The following SI variants were observed in gnomAD, a reference collection of about 807,000 sequenced individuals.
The protein encoded by SI is sucrase-isomaltase, intestinal.
A neutral mutation model predicts 253.3 loss-of-function variants in SI; 235 were observed. That is an observed-to-expected ratio of 0.93 (90% CI 0.83 to 1.03). SI has a LOEUF of 1.03. SI is among the 50% of genes least tolerant of loss of function. The pLI, the probability that SI is intolerant of heterozygous loss-of-function variation, is 0.00. For missense variants in SI, 2,442 were observed against 2,211.1 expected (o/e 1.10, Z -2.09); for synonymous variants, 819 against 712.0 (o/e 1.15, Z -2.39).
chr3:164,979,089 G>T lies in SI; in HGVS notation c.*273C>A. On this transcript the variant is annotated 3_prime_UTR_variant, in exon 48 of 48. Coordinates refer to ENST00000264382, the MANE Select transcript of SI (RefSeq NM_001041.4). Reference sequence around the variant, plus strand: ...TTATATCTTAGCTATTTACATACATGTTTAGTAACTAGTTTACAATTGTAG... The same window carrying T: ...TTATATCTTAGCTATTTACATACATTTTTAGTAACTAGTTTACAATTGTAG... The T allele has an allele frequency of 3.2e-6, 1 of 315,640 alleles. No homozygotes were observed. The highest frequency in any genetic ancestry group is 5.9e-6 in the Non-Finnish European group (1 of 169,964). 19.6% of individuals were successfully genotyped at this position (315,640 alleles called of 1,614,324 possible).
In SI at chr3:164,999,095, C is replaced by A. The variant is rs148503173; in HGVS notation, c.4407-422G>T. On this transcript the variant is annotated intron_variant, in intron 37 of 47. Transcript: ENST00000264382. ...AACACTTAATGTACATATTACTGTG[C>A]AGACAATGCCTACTATCATACTCTT... 3.0e-4 allele frequency among the ~76,000 whole-genome samples: 45 copies of A among 151,920 alleles called. 1 individual carries two copies. The East Asian group carries it at 8.3e-3, about 28-fold the overall frequency.
At chr3:165,017,160 C>A (rs546267572) in intron 31 of SI, among the ~76,000 whole-genome samples, 15 of 151,884 alleles carry the variant, frequency 9.9e-5, no homozygotes, top group Non-Finnish European at 1.9e-4. Context: ...AAAATTAGTT[C>A]CACCTCCAAC....
At chr3:165,055,406 G>T in intron 12 of SI, 99 bp from the exon 13 acceptor site, 1 of 701,298 alleles carries the variant, frequency 1.4e-6, no homozygotes, top group Non-Finnish European at 2.4e-6. Context: ...AAAAAATAAA[G>T]TTATTCTACT....
At position 165,009,382 on chromosome 3, in the gene SI, T is replaced by C. The variant is rs868516257; in HGVS notation, c.4076A>G (p.His1359Arg). 1 of 1,612,710 alleles carries C rather than the reference T, an allele frequency of 6.2e-7. No homozygotes were observed. The highest frequency in any genetic ancestry group is 1.3e-5 in the African/African-American group (1 of 74,880). The change falls in exon 35 of 48, where the codon CAT (histidine) becomes CGT (arginine). Residue 1359 changes from histidine (H) to arginine (R), a missense_variant. Coordinates refer to ENST00000264382, the MANE Select transcript of SI (RefSeq NM_001041.4). ...CCTGAAGAAATCTGGGAAAGCTACA[T>C]GAGCTCTGGAAGCCTGTAAAACCAA... is the stretch of plus-strand genomic sequence containing the variant. ...EDEAVNASRA[H>R]VAFPDFFRTS... is the part of the protein sequence containing the mutation.
chr3:165,046,815 A>T, intron 16 of SI, 26 bp downstream of exon 16: 1 of 1,563,820 alleles, frequency 6.4e-7, no homozygotes, highest in Non-Finnish European at 8.8e-7. Context: ...AGCTTTTATG[A>T]GTAACACTCT....
chr3:165,088,657 A>AAAT, the SI span, among the ~76,000 whole-genome samples: 1 of 152,058 alleles, frequency 6.6e-6, no homozygotes. Context: ...ATAAATAAAT[A>AAAT]AATAATAAAT....
intron 43 of SI, 94 bp from the exon 44 acceptor site, chr3:164,991,571 T>G: frequency 7.6e-7 from 1 of 1,314,180 alleles, no homozygotes; most frequent in Non-Finnish European, 1.1e-6. Flanking sequence ...AAAAATCAAA[T>G]GATACACTTT....
At chr3:165,016,177 G>T in intron 31 of SI, 97 bp from the exon 32 acceptor site, 1 of 1,083,058 alleles carries the variant, frequency 9.2e-7, no homozygotes, top group Admixed American at 1.7e-5. Context: ...CAATATGAAA[G>T]TTTGAGTTCC....
chr3:165,026,113 ACAAACT>A (rs1333788594), intron 25 of SI, among the ~76,000 whole-genome samples: 2 of 151,348 alleles, frequency 1.3e-5, no homozygotes, highest in African/African-American at 2.4e-5. Context: ...AAGGACTCAC[ACAAACT>A]CAAGATAAAG....
At chr3:165,019,352 G>T (rs1719193217) in intron 28 of SI, among the ~76,000 whole-genome samples, 1 of 151,836 alleles carries the variant, frequency 6.6e-6, no homozygotes, top group Admixed American at 6.6e-5. Flanking sequence ...AACAGTTAAG[G>T]TATTGAGTCA....
the SI span, among the ~76,000 whole-genome samples, chr3:165,086,039 A>G: frequency 6.6e-6 from 1 of 152,204 alleles, no homozygotes; most frequent in South Asian, 2.1e-4. Context: ...GGATCACTTG[A>G]GGTCAGGAGT....
At chr3:165,000,140 A>G (rs977745907) in intron 37 of SI, among the ~76,000 whole-genome samples, 4 of 151,516 alleles carry the variant, frequency 2.6e-5, no homozygotes, top group East Asian at 1.9e-4. Context: ...TTTGTTTAAT[A>G]TAAAAATTAT....
rs71625493 is a variant in SI, at chr3:164,980,641, T to C, written c.5416-1211A>G. ...AAGTAAATGTATATTTCTTCATCAC[T>C]GAGGTAATGAAACACTGTCAAATAT... is the stretch of plus-strand genomic sequence containing the variant. On this transcript the variant is annotated intron_variant, in intron 47 of 47. Coordinates refer to ENST00000264382, the MANE Select transcript of SI (RefSeq NM_001041.4). Among the ~76,000 whole-genome samples, 610 of 152,078 alleles carry C rather than the reference T, an allele frequency of 4.0e-3. 3 individuals carry two copies. The highest frequency in any genetic ancestry group is 6.4e-3 in the Non-Finnish European group (436 of 67,908).
intron 28 of SI, among the ~76,000 whole-genome samples, chr3:165,018,363 T>C (rs1036800916): frequency 3.3e-5 from 5 of 150,828 alleles, no homozygotes; most frequent in Non-Finnish European, 5.9e-5. Flanking sequence ...CTGCAAATGC[T>C]TCCACATTAA....
intron 26 of SI, among the ~76,000 whole-genome samples, chr3:165,021,596 C>A (rs1685500182): frequency 6.6e-6 from 1 of 151,394 alleles, no homozygotes; most frequent in African/African-American, 2.4e-5. Context: ...CATTTTTGAA[C>A]CTTTAAAAAA....
intron 15 of SI, among the ~76,000 whole-genome samples, chr3:165,048,651 T>C (rs919745653): frequency 3.3e-5 from 5 of 151,232 alleles, no homozygotes; most frequent in Non-Finnish European, 7.4e-5. Context: ...TGAGTCTAGC[T>C]CTGTCACCCA....
chr3:164,989,772 C>A (rs1387308469), intron 44 of SI, among the ~76,000 whole-genome samples: 2 of 152,094 alleles, frequency 1.3e-5, no homozygotes, highest in African/African-American at 4.8e-5. Flanking sequence ...TGAGATACAA[C>A]CCAGGTATCT....
intron 13 of SI, among the ~76,000 whole-genome samples, chr3:165,051,842 AAAAT>A (rs1307897935): frequency 1.3e-5 from 2 of 151,990 alleles, no homozygotes; most frequent in Non-Finnish European, 2.9e-5. Flanking sequence ...TTTTTTTTAG[AAAAT>A]AATTAATTGG....
intron 37 of SI, among the ~76,000 whole-genome samples, chr3:165,000,242 T>C (rs887718117): frequency 5.3e-5 from 8 of 151,342 alleles, no homozygotes; most frequent in African/African-American, 1.9e-4. Context: ...CTATTATATA[T>C]CTTACACTTG....
Sources: gnomAD v4.1 joint callset for allele counts (sites outside exome capture counted in the v4.1 genomes callset) on GRCh38, gnomAD v4.1.1 for gene constraint, MANE v1.5 for transcripts, NCBI Gene and HGNC (gene_info 2026-07-23, HGNC 2026-07-21) for gene names.